The following IL15 variants were observed in gnomAD, a reference collection of about 807,000 sequenced individuals.
IL15 encodes the protein interleukin-15.
IL15 carries 11 observed loss-of-function variants against 19.6 expected under a neutral mutation model. The ratio of observed to expected loss-of-function variants is 0.56; its 90% CI spans 0.35 to 0.93. The LOEUF is 0.93. IL15 is among the 40% of genes least tolerant of loss of function. The pLI is 0.01. For synonymous variants in IL15, 58 were observed against 59.6 expected, an observed-to-expected ratio of 0.97 and a Z score of 0.12; for missense variants, 197 against 186.5, an observed-to-expected ratio of 1.06 and a Z score of -0.33.
At chr4:141,671,564 CCTCA>C (rs1422347221) in intron 2 of IL15, among the ~76,000 whole-genome samples, 1 of 152,108 alleles carries the variant, frequency 6.6e-6, no homozygotes, top group Non-Finnish European at 1.5e-5. Flanking sequence ...TTCGATATCT[CCTCA>C]CTCACCTGTC....
intron 2 of IL15, among the ~76,000 whole-genome samples, chr4:141,700,484 G>A (rs930299493): frequency 1.3e-5 from 2 of 152,182 alleles, no homozygotes; most frequent in Non-Finnish European, 2.9e-5. Flanking sequence ...TTTCTGATGA[G>A]AGATCTGCTG....
At chr4:141,661,861 C>T (rs1427848939) in intron 2 of IL15, among the ~76,000 whole-genome samples, 1 of 152,150 alleles carries the variant, frequency 6.6e-6, no homozygotes, top group Non-Finnish European at 1.5e-5. Context: ...TTCCTGGAAT[C>T]ATACCCCTCA....
chr4:141,649,328 T>C (rs1408742459), intron 1 of IL15, among the ~76,000 whole-genome samples: 1 of 152,094 alleles, frequency 6.6e-6, no homozygotes, highest in African/African-American at 2.4e-5. Context: ...CGTTAACATA[T>C]GTAGCATTCT....
chr4:141,639,788 A>T (rs1359894534), intron 1 of IL15, among the ~76,000 whole-genome samples: 2 of 152,200 alleles, frequency 1.3e-5, no homozygotes, highest in Non-Finnish European at 2.9e-5. Flanking sequence ...GAGACTACTG[A>T]CACTGAACAT....
At chr4:141,668,891 C>T (rs868552803) in intron 2 of IL15, among the ~76,000 whole-genome samples, 13 of 152,288 alleles carry the variant, frequency 8.5e-5, no homozygotes, top group South Asian at 8.3e-4. Flanking sequence ...AGGAGCCTAA[C>T]TTCGTGCTAA....
At chr4:141,673,072 CT>C (rs1193342057) in intron 2 of IL15, among the ~76,000 whole-genome samples, 1 of 152,182 alleles carries the variant, frequency 6.6e-6, no homozygotes, top group African/African-American at 2.4e-5. Flanking sequence ...GTGATGCTGA[CT>C]TTGACCATGT....
At chr4:141,713,112 A>G (rs977934634) in intron 2 of IL15, among the ~76,000 whole-genome samples, 2 of 152,202 alleles carry the variant, frequency 1.3e-5, no homozygotes, top group African/African-American at 4.8e-5. Flanking sequence ...GATATTGAAT[A>G]CAGATTAAGT....
At chr4:141,714,198 C>T (rs1034787283) in intron 2 of IL15, among the ~76,000 whole-genome samples, 4 of 152,046 alleles carry the variant, frequency 2.6e-5, no homozygotes, top group Non-Finnish European at 5.9e-5. Flanking sequence ...AGAAAACTTA[C>T]ACCTACCTAC....
intron 2 of IL15, among the ~76,000 whole-genome samples, chr4:141,673,189 G>T (rs1728231905): frequency 1.3e-5 from 2 of 152,116 alleles, no homozygotes; most frequent in Non-Finnish European, 2.9e-5. Flanking sequence ...TCCCACTTTA[G>T]CATTTTCATT....
chr4:141,644,381 C>T (rs1260151964), intron 1 of IL15, among the ~76,000 whole-genome samples: 1 of 152,138 alleles, frequency 6.6e-6, no homozygotes, highest in African/African-American at 2.4e-5. Flanking sequence ...CTTTCGGCTG[C>T]TTGACTCCTC....
At chr4:141,680,914 A>G (rs1384624323) in intron 2 of IL15, among the ~76,000 whole-genome samples, 1 of 152,184 alleles carries the variant, frequency 6.6e-6, no homozygotes, top group Non-Finnish European at 1.5e-5. Context: ...AATATTAATT[A>G]TACATTTTGG....
In IL15 at chr4:141,722,052, G is replaced by A. The variant is rs199980417; in HGVS notation, c.195+44G>A. ...ATAAAATGCCTGGTATAACTGCTAT[G>A]GAGTTTGTCTCTCTCTGTGTTTTTC... On this transcript the variant is annotated intron_variant, in intron 5 of 7. Coordinates refer to ENST00000320650, the MANE Select transcript of IL15 (RefSeq NM_000585.5). The A allele has an allele frequency of 2.5e-5, 38 of 1,506,534 alleles. No homozygotes were observed. In the East Asian group the frequency reaches 8.6e-4, roughly 34 times the overall value. The allele number at this position is 1,506,534 out of a possible 1,614,324, so 93.3% of individuals were successfully genotyped here.
rs539104252 is a variant in IL15, at chr4:141,675,883, T to C, written c.-100+19576T>C. Among the ~76,000 whole-genome samples, 8 of 152,296 alleles carry C rather than the reference T, an allele frequency of 5.3e-5. No homozygotes were observed. In the East Asian group the frequency reaches 1.5e-3, roughly 29 times the overall value. ...CTTTTATGTGGGTACAGGATTGCTA[T>C]GAGAAAGTCATACCTATAGACCAAG... On this transcript the variant is annotated intron_variant, in intron 2 of 7. Transcript: ENST00000320650.
chr4:141,660,025 A>G (rs1191413530), intron 2 of IL15, among the ~76,000 whole-genome samples: 1 of 152,174 alleles, frequency 6.6e-6, no homozygotes, highest in Non-Finnish European at 1.5e-5. Context: ...GCACAGTAAA[A>G]CAGGCAAGTA....
intron 2 of IL15, among the ~76,000 whole-genome samples, chr4:141,686,548 T>C (rs1293223232): frequency 2.0e-5 from 3 of 152,164 alleles, no homozygotes; most frequent in Non-Finnish European, 4.4e-5. Context: ...CTCAGCTTTC[T>C]TGTCTGTGGA....
intron 2 of IL15, among the ~76,000 whole-genome samples, chr4:141,663,418 G>C (rs1443206702): frequency 1.3e-5 from 2 of 152,160 alleles, no homozygotes; most frequent in Non-Finnish European, 2.9e-5. Context: ...ATGTGACACA[G>C]AAGCCTTCAA....
intron 2 of IL15, among the ~76,000 whole-genome samples, chr4:141,710,069 G>A (rs1729664159): frequency 6.6e-6 from 1 of 152,264 alleles, no homozygotes; most frequent in South Asian, 2.1e-4. Context: ...CCAAGCTGCT[G>A]CAAAGGATAT....
chr4:141,721,467 T>C (rs779966666), intron 4 of IL15: 15 of 583,366 alleles, frequency 2.6e-5, no homozygotes, highest in Non-Finnish European at 4.2e-5. Context: ...ATGTTTAATG[T>C]AGTGTAAAAA....
chr4:141,643,651 C>T (rs1235343989), intron 1 of IL15, among the ~76,000 whole-genome samples: 7 of 152,092 alleles, frequency 4.6e-5, no homozygotes. Flanking sequence ...CAATTTCAGT[C>T]TCTGTCTAGT....
Sources: gnomAD v4.1 joint callset for allele counts (sites outside exome capture counted in the v4.1 genomes callset) on GRCh38, gnomAD v4.1.1 for gene constraint, MANE v1.5 for transcripts, NCBI Gene and HGNC (gene_info 2026-07-23, HGNC 2026-07-21) for gene names.